The following SEMA6D variants were observed in gnomAD, a reference collection of about 807,000 sequenced individuals.
SEMA6D encodes the protein semaphorin-6D.
A neutral mutation model predicts 106.6 loss-of-function variants in SEMA6D; 35 were observed. That is an observed-to-expected ratio of 0.33 (90% CI 0.25 to 0.44). The LOEUF (loss-of-function observed/expected upper bound fraction) is 0.44. Ranked by LOEUF, SEMA6D falls within the 20% of genes least tolerant of loss-of-function variation. The probability of loss-of-function intolerance (pLI) is 1.00; values close to 1 mark genes in which losing one functional copy is unlikely to be tolerated. For missense variants in SEMA6D, 1,185 were observed against 1,345.9 expected, an observed-to-expected ratio of 0.88 and a Z score of 1.87; for synonymous variants, 499 against 487.7, an observed-to-expected ratio of 1.02 and a Z score of -0.31.
chr15:47,688,633 T>G (rs977723578), intron 4 of SEMA6D, among the ~76,000 whole-genome samples: 1 of 152,244 alleles, frequency 6.6e-6, no homozygotes. Context: ...TCGCATTGAC[T>G]AGAGATGGGA....
At chr15:47,343,564 T>C (rs1263743687) in intron 1 of SEMA6D, among the ~76,000 whole-genome samples, 1 of 152,090 alleles carries the variant, frequency 6.6e-6, no homozygotes, top group Non-Finnish European at 1.5e-5. Flanking sequence ...GCTTCATCCA[T>C]GTCCCTACAA....
chr15:47,709,132 G>C (rs1272446941), intron 4 of SEMA6D, among the ~76,000 whole-genome samples: 1 of 152,080 alleles, frequency 6.6e-6, no homozygotes, highest in African/African-American at 2.4e-5. Context: ...AGTGGGTGGT[G>C]ATATGTATTT....
chr15:47,737,715 C>G (rs2080529901), intron 1 of SEMA6D, among the ~76,000 whole-genome samples: 1 of 152,086 alleles, frequency 6.6e-6, no homozygotes, highest in Non-Finnish European at 1.5e-5. Flanking sequence ...AGTTTGTTCA[C>G]CATTATAAAA....
intron 1 of SEMA6D, among the ~76,000 whole-genome samples, chr15:47,195,263 C>T (rs1894258483): frequency 6.6e-6 from 1 of 152,072 alleles, no homozygotes; most frequent in Non-Finnish European, 1.5e-5. Flanking sequence ...TTTCCAGTGA[C>T]AATGTGCTGT....
At chr15:47,763,379 G>C (rs28493558) in intron 9 of SEMA6D, among the ~76,000 whole-genome samples, 3 of 152,052 alleles carry the variant, frequency 2.0e-5, no homozygotes, top group African/African-American at 7.2e-5. Flanking sequence ...CTTGAGCTAC[G>C]GATGCTTTTT....
intron 1 of SEMA6D, among the ~76,000 whole-genome samples, chr15:47,746,972 G>C (rs1417403710): frequency 7.9e-6 from 1 of 126,444 alleles, no homozygotes; most frequent in Non-Finnish European, 1.7e-5. Context: ...GTCTCCTGCT[G>C]TGTGTGTGTG....
chr15:47,560,584 G>A (rs537733991), intron 3 of SEMA6D, among the ~76,000 whole-genome samples: 53 of 152,124 alleles, frequency 3.5e-4, no homozygotes, highest in South Asian at 3.1e-3. Flanking sequence ...ACAACATTAA[G>A]CATATCATCA....
intron 4 of SEMA6D, among the ~76,000 whole-genome samples, chr15:47,654,308 C>T (rs1218897989): frequency 6.6e-6 from 1 of 152,066 alleles, no homozygotes; most frequent in Non-Finnish European, 1.5e-5. Flanking sequence ...CTTGACTTTC[C>T]CAAAACTTAA....
At chr15:47,439,674 T>C (rs1274291594) in intron 2 of SEMA6D, among the ~76,000 whole-genome samples, 2 of 152,168 alleles carry the variant, frequency 1.3e-5, no homozygotes, top group African/African-American at 4.8e-5. Flanking sequence ...TAAGTGCTGA[T>C]GCTATTCTCA....
At chr15:47,738,273 A>G (rs1286580899) in intron 1 of SEMA6D, among the ~76,000 whole-genome samples, 1 of 151,978 alleles carries the variant, frequency 6.6e-6, no homozygotes, top group Non-Finnish European at 1.5e-5. Flanking sequence ...TTCCTGTGTT[A>G]GTTTGCTGAG....
chr15:47,563,193 T>A (rs997653900), intron 3 of SEMA6D, among the ~76,000 whole-genome samples: 3 of 152,198 alleles, frequency 2.0e-5, no homozygotes, highest in African/African-American at 7.2e-5. Flanking sequence ...GAAGCTGCAA[T>A]TGATTACAAA....
Position 47,770,841 on chromosome 15 carries a change from G to C in SEMA6D, c.2278G>C (p.Asp760His), listed in dbSNP as rs1469955574. The C allele has an allele frequency of 6.2e-7, 1 of 1,613,844 alleles. No individual in the cohort carries two copies. Among genetic ancestry groups the C allele is most frequent in the African/African-American group, 1.3e-5 (1 of 74,890 alleles). The change falls in exon 19 of 19, where the codon GAC becomes CAC. Residue 760 changes from aspartate to histidine, a missense_variant. Asp to His is a moderately conservative substitution (Grantham distance 81). Around this residue, in one of 3 missense-constraint regions of SEMA6D, gnomAD observed 750 missense variants for 783.5 expected, o/e 0.96. Transcript: ENST00000536845. Reference sequence around the variant, plus strand: ...TGGAGATACTAAATCCATGGTAATGGACCATCGAGGGCAACCTCCAGAGTT... The same window carrying C: ...TGGAGATACTAAATCCATGGTAATGCACCATCGAGGGCAACCTCCAGAGTT... ...PNGDTKSMVM[D>H]HRGQPPELAA...
At chr15:47,558,494 G>A (rs1258836190) in intron 3 of SEMA6D, among the ~76,000 whole-genome samples, 2 of 151,968 alleles carry the variant, frequency 1.3e-5, no homozygotes, top group Non-Finnish European at 2.9e-5. Context: ...CTTCATGAAG[G>A]AGGTATTTTA....
In SEMA6D at chr15:47,771,011, T is replaced by C; in HGVS notation, c.2448T>C (p.His816=). The change falls in exon 19 of 19, where the codon CAT becomes CAC. Residue 816 remains histidine, a synonymous_variant. Coordinates refer to ENST00000536845, the MANE Select transcript of SEMA6D (RefSeq NM_001358351.3). ...TTTTTCCGTCTAGTCCGCCACCTCA[T>C]TCCCCATTAAGTCATGGGCATATCC... ...PQFFPSSPPP[H]SPLSHGHIPS... is the part of the protein sequence containing the mutation. The C allele has an allele frequency of 6.2e-7, 1 of 1,614,120 alleles. No individual in the cohort carries two copies. The highest frequency in any genetic ancestry group is 1.6e-4 in the Middle Eastern group (1 of 6,062).
At chr15:47,502,325 G>A (rs1277315724) in intron 3 of SEMA6D, among the ~76,000 whole-genome samples, 3 of 152,164 alleles carry the variant, frequency 2.0e-5, no homozygotes, top group Non-Finnish European at 2.9e-5. Context: ...ACCAAGAAAG[G>A]AGAGAGAGAA....
At chr15:47,649,002 A>C (rs1178008031) in intron 4 of SEMA6D, among the ~76,000 whole-genome samples, 2 of 152,204 alleles carry the variant, frequency 1.3e-5, no homozygotes, top group East Asian at 3.9e-4. Flanking sequence ...TTATATGTGA[A>C]TACATATGTA....
intron 3 of SEMA6D, among the ~76,000 whole-genome samples, chr15:47,547,807 A>C (rs1306755268): frequency 6.6e-6 from 1 of 152,156 alleles, no homozygotes; most frequent in Non-Finnish European, 1.5e-5. Context: ...TTCGTCTCCT[A>C]CCTACATGAA....
At chr15:47,637,583 G>T (rs540920423) in intron 4 of SEMA6D, among the ~76,000 whole-genome samples, 1 of 152,282 alleles carries the variant, frequency 6.6e-6, no homozygotes, top group South Asian at 2.1e-4. Flanking sequence ...GTTTTTCAAT[G>T]AGAATGATTT....
At chr15:47,724,551 TTGGACAGG>T (rs1254759622) in intron 1 of SEMA6D, among the ~76,000 whole-genome samples, 1 of 151,906 alleles carries the variant, frequency 6.6e-6, no homozygotes, top group Non-Finnish European at 1.5e-5. Flanking sequence ...TAGGTAGGAT[TTGGACAGG>T]TGGACAGTGA....
Sources: gnomAD v4.1 joint callset for allele counts (sites outside exome capture counted in the v4.1 genomes callset) on GRCh38, gnomAD v4.1.1 for gene constraint, gnomAD v4.1.1 regional missense constraint, MANE v1.5 for transcripts, NCBI Gene and HGNC (gene_info 2026-07-23, HGNC 2026-07-21) for gene names.